Variants in ACSBG1 observed in about 807,000 individuals in gnomAD.
ACSBG1 encodes long-chain-fatty-acid--CoA ligase ACSBG1.
In ACSBG1, 39 loss-of-function variants were observed where a neutral mutation model predicts 80.2. The ratio of observed to expected loss-of-function variants is 0.49; its 90% CI spans 0.38 to 0.64. The LOEUF (loss-of-function observed/expected upper bound fraction) is 0.64. Ranked by LOEUF, ACSBG1 falls within the 30% of genes least tolerant of loss-of-function variation. The pLI is 0.00. For synonymous variants in ACSBG1, 392 were observed against 379.5 expected (o/e 1.03, Z -0.38); for missense variants, 828 against 966.4 (o/e 0.86, Z 1.90).
At chr15:78,209,053 G>A (rs2075244369) in intron 1 of ACSBG1, 1 of 442,360 alleles carries the variant, frequency 2.3e-6, no homozygotes, top group East Asian at 7.1e-5. Flanking sequence ...GTGTCCCTGA[G>A]GGTAGGACCC....
chr15:78,176,271 AC>A (rs2074882085), intron 11 of ACSBG1, among the ~76,000 whole-genome samples: 1 of 152,142 alleles, frequency 6.6e-6, no homozygotes, highest in African/African-American at 2.4e-5. Flanking sequence ...AACAAGGATG[AC>A]CACTATCACC....
rs59300084 is a variant in ACSBG1 at position 78,231,287 on chromosome 15, AT to A, written c.131+3083del. Among the ~76,000 whole-genome samples the A allele has an allele frequency of 5.8e-3, 866 of 148,278 alleles. 7 individuals carry two copies. Among genetic ancestry groups the A allele is most frequent in the African/African-American group, 0.018 (735 of 40,478 alleles). On this transcript the variant is annotated intron_variant, in intron 1 of 13. Transcript: ENST00000258873. The stretch of plus-strand genomic sequence containing the variant: ...AGGCATGCGCCACCACGCCTGGCTA[AT>A]TTTTTTTTTTTTGTATTTTTTTAGT...
intron 1 of ACSBG1, 60 bp downstream of exon 1, chr15:78,234,311 G>C: frequency 1.9e-6 from 3 of 1,582,936 alleles, no homozygotes; most frequent in Non-Finnish European, 2.6e-6. Context: ...TCACACAGCA[G>C]AGCAAAGTCT....
chr15:78,209,603 G>A (rs190343263), intron 1 of ACSBG1, among the ~76,000 whole-genome samples: 4 of 152,248 alleles, frequency 2.6e-5, no homozygotes, highest in Admixed American at 2.0e-4. Context: ...TTACCAAATG[G>A]CCCCTGAGCT....
intron 1 of ACSBG1, among the ~76,000 whole-genome samples, chr15:78,229,174 TAAGG>T (rs1296337708): frequency 1.3e-5 from 2 of 152,156 alleles, no homozygotes; most frequent in Non-Finnish European, 2.9e-5. Context: ...GCAAACTCCT[TAAGG>T]TAGAGACTTG....
Position 78,178,038 on chromosome 15 carries a change from G to A in ACSBG1, c.1702+576C>T, listed in dbSNP as rs2074900767. ...TGGAAAGACTTGCCTTGTTTCTCTA[G>A]GGGTCTGATTTCCAGCTCTGCCATT... is the stretch of plus-strand genomic sequence containing the variant. On this transcript the variant is annotated intron_variant, in intron 11 of 13. Transcript: ENST00000258873. The surrounding 1 kb of genome is among the most constrained non-coding windows in gnomAD (Gnocchi z 4.3). Among the ~76,000 whole-genome samples, 1 of 152,114 alleles carries A rather than the reference G, an allele frequency of 6.6e-6. No individual in the cohort carries two copies. Among genetic ancestry groups the A allele is most frequent in the Non-Finnish European group, 1.5e-5 (1 of 68,030 alleles).
Position 78,177,279 on chromosome 15 carries a change from A to G in ACSBG1, c.1702+1335T>C, listed in dbSNP as rs2074891618. Among the ~76,000 whole-genome samples, 1 of 152,188 alleles carries G rather than the reference A, an allele frequency of 6.6e-6. No homozygotes were observed. The highest frequency in any genetic ancestry group is 1.9e-4 in the East Asian group (1 of 5,196). ...AAATTAAGACACTGGGTATTGGTGC[A>G]CGGATAGGCGAATAGACCAAGGGAA... is the stretch of plus-strand genomic sequence containing the variant. On this transcript the variant is annotated intron_variant, in intron 11 of 13. Coordinates refer to ENST00000258873, the MANE Select transcript of ACSBG1 (RefSeq NM_015162.5). This position sits in a 1 kb window ranked among gnomAD's most constrained non-coding sequence, Gnocchi z 4.1.
intron 1 of ACSBG1, chr15:78,226,469 T>C: frequency 6.5e-6 from 1 of 153,024 alleles, no homozygotes; most frequent in Non-Finnish European, 1.5e-5. Context: ...TTTCAAGATT[T>C]AGTATAAGGC....
intron 1 of ACSBG1, among the ~76,000 whole-genome samples, chr15:78,214,128 G>A (rs977412212): frequency 2.6e-5 from 4 of 152,104 alleles, no homozygotes; most frequent in Admixed American, 6.6e-5. Flanking sequence ...TGCACCTTGC[G>A]CTGTGCCTTC....
At chr15:78,174,886 A>G (rs2074867649) in intron 11 of ACSBG1, 1 of 320,948 alleles carries the variant, frequency 3.1e-6, no homozygotes, top group East Asian at 8.1e-5. Flanking sequence ...TGTCACTCAC[A>G]CAGCACTCAC....
chr15:78,221,519 T>G (rs1306150157), intron 1 of ACSBG1, among the ~76,000 whole-genome samples: 2 of 152,106 alleles, frequency 1.3e-5, no homozygotes, highest in Non-Finnish European at 2.9e-5. Flanking sequence ...ATAGTTAGCT[T>G]TACACGAGAC....
chr15:78,187,447 C>A (rs1389142885), intron 5 of ACSBG1, among the ~76,000 whole-genome samples: 1 of 152,182 alleles, frequency 6.6e-6, no homozygotes, highest in Non-Finnish European at 1.5e-5. Context: ...CAAACCAAAT[C>A]CAGCAGCACA....
chr15:78,199,623 T>C (rs2075147493), intron 2 of ACSBG1, among the ~76,000 whole-genome samples: 1 of 151,372 alleles, frequency 6.6e-6, no homozygotes, highest in Non-Finnish European at 1.5e-5. Context: ...TTCCACAAAG[T>C]AACGGGGACC....
chr15:78,226,480 T>A (rs2075401190), intron 1 of ACSBG1: 2 of 154,688 alleles, frequency 1.3e-5, no homozygotes, highest in Non-Finnish European at 2.9e-5. Flanking sequence ...AGTATAAGGC[T>A]GTAGTAGTGG....
rs1488143780 is a variant in ACSBG1, at chr15:78,170,464, G to T, written c.*980C>A. 6.6e-6 allele frequency: 1 copy of T among 151,880 alleles called. No homozygotes were observed. Among genetic ancestry groups the T allele is most frequent in the African/African-American group, 2.4e-5 (1 of 41,260 alleles). 9.4% of individuals were successfully genotyped at this position (151,880 alleles called of 1,614,324 possible). ...AAATGTATTTTCCTTTGTTTAAGCT[G>T]CTGCTTCCTCTGTTTCATTGGATTG... On this transcript the variant is annotated 3_prime_UTR_variant, in exon 14 of 14. Transcript: ENST00000258873.
chr15:78,201,314 G>A (rs2075164946), intron 2 of ACSBG1, among the ~76,000 whole-genome samples: 1 of 152,224 alleles, frequency 6.6e-6, no homozygotes, highest in Admixed American at 6.5e-5. Context: ...GTGACTGTGT[G>A]TCTAGAGGAC....
chr15:78,173,006 C>T (rs1185154203), intron 13 of ACSBG1, among the ~76,000 whole-genome samples: 3 of 152,204 alleles, frequency 2.0e-5, no homozygotes, highest in Admixed American at 6.5e-5. Context: ...AGAAAACAGT[C>T]CCATAGTCAA....
intron 2 of ACSBG1, among the ~76,000 whole-genome samples, chr15:78,203,267 G>C (rs752442650): frequency 1.3e-5 from 2 of 152,212 alleles, no homozygotes; most frequent in Admixed American, 6.5e-5. Flanking sequence ...CACTGCTGTA[G>C]TAACAGCCAA....
rs149958356 is a variant in ACSBG1 at position 78,227,361 on chromosome 15, AG to A, written c.131+7009del. 5.2e-3 allele frequency among the ~76,000 whole-genome samples: 798 copies of A among 152,260 alleles called. 9 individuals are homozygous for A. Among genetic ancestry groups the A allele is most frequent in the African/African-American group, 0.018 (755 of 41,572 alleles). On this transcript the variant is annotated intron_variant, in intron 1 of 13. Coordinates refer to ENST00000258873, the MANE Select transcript of ACSBG1 (RefSeq NM_015162.5). ...AGAATGCCTACAAATCAATAATAAAAGGATTAAGAACCCAATTACAAAATGA... is the reference window on the plus strand; with the variant it reads ...AGAATGCCTACAAATCAATAATAAAAGATTAAGAACCCAATTACAAAATGA...
Sources: allele counts gnomAD v4.1 joint callset (sites outside exome capture counted in the v4.1 genomes callset), GRCh38; gene constraint gnomAD v4.1.1; non-coding constraint Gnocchi (gnomAD v3.1); transcripts MANE v1.5; gene names NCBI Gene and HGNC (gene_info 2026-07-23, HGNC 2026-07-21).